Variants in SLC6A12 observed in about 807,000 individuals in gnomAD.
SLC6A12 encodes the protein sodium- and chloride-dependent betaine transporter.
Under a neutral mutation model 73.3 loss-of-function variants are expected in SLC6A12, and 50 were observed. That is an observed-to-expected ratio of 0.68 (90% CI 0.54 to 0.86). The LOEUF (loss-of-function observed/expected upper bound fraction) is 0.86, where lower values mean the gene tolerates loss of function less well. Among genes scored for constraint, SLC6A12 ranks in the 40% least tolerant of loss-of-function variants. The pLI is 0.00. For missense variants in SLC6A12, 648 were observed against 772.8 expected (o/e 0.84, Z 1.92); for synonymous variants, 304 against 309.2 (o/e 0.98, Z 0.18).
chr12:192,375 C>CA (rs1361426761), intron 15 of SLC6A12, 103 bp downstream of exon 15: 61 of 1,000,600 alleles, frequency 6.1e-5, no homozygotes, highest in Admixed American at 8.4e-5. Flanking sequence ...GCCCCACACT[C>CA]AGAGTTTGTG....
At chr12:187,637 CA>C (rs1939460626), downstream of SLC6A12, among the ~76,000 whole-genome samples, 1 of 111,152 alleles carries the variant, frequency 9.0e-6, no homozygotes, top group African/African-American at 4.5e-5. Flanking sequence ...AAAAACAAAC[CA>C]CACACACAGC....
Position 198,186 on chromosome 12 carries a change from G to A in SLC6A12, c.847-183C>T, listed in dbSNP as rs1158351420. 6.6e-6 allele frequency among the ~76,000 whole-genome samples: 1 copy of A among 152,158 alleles called. No homozygotes were observed. Among genetic ancestry groups the A allele is most frequent in the Non-Finnish European group, 1.5e-5 (1 of 68,022 alleles). ...GGTCTCCACGGTGATCTCCTCCCCA[G>A]TGCGGCCCAGTTTCGGTTTGGTTCT... On this transcript the variant is annotated intron_variant, in intron 8 of 15. Transcript: ENST00000684302. The surrounding 1 kb of genome is among the most constrained non-coding windows in gnomAD (Gnocchi z 4.0).
chr12:188,052 T>TA (rs1939467503), downstream of SLC6A12, among the ~76,000 whole-genome samples: 1 of 152,200 alleles, frequency 6.6e-6, no homozygotes, highest in South Asian at 2.1e-4. Context: ...CCAGCTGGCT[T>TA]CACCCAGTGG....
At chr12:210,415 G>A (rs1043621669) in intron 2 of SLC6A12, 1 of 1,086,092 alleles carries the variant, frequency 9.2e-7, no homozygotes. Context: ...CCTAGCCTCT[G>A]GCCTCCAGGT....
At chr12:212,862 G>GCCGC (rs1412111115) in intron 1 of SLC6A12, among the ~76,000 whole-genome samples, 2 of 152,066 alleles carry the variant, frequency 1.3e-5, no homozygotes, top group African/African-American at 4.8e-5. Flanking sequence ...CTCCTCCAAG[G>GCCGC]CCGCCCACCT....
chr12:204,238 A>T (rs1436900461), intron 4 of SLC6A12: 1 of 311,820 alleles, frequency 3.2e-6, no homozygotes, highest in African/African-American at 2.1e-5. Flanking sequence ...CTGTGAGTAG[A>T]GCCATAGGTA....
At position 198,846 on chromosome 12, in the gene SLC6A12, C is replaced by T; in HGVS notation, c.797G>A (p.Gly266Asp). Residue 266 changes from glycine to aspartate, a missense_variant, in exon 8 of 16, where the codon GGC becomes GAC. Transcript: ENST00000684302. The surrounding 1 kb of genome is among the most constrained non-coding windows in gnomAD (Gnocchi z 4.0). ...RGVTLPGAYQ[G>D]IIYYLKPDLF... ...ATCTGGCTTCAAGTAGTAGATGATG[C>T]CCTGGTAGGCTCCGGGAAGGGTGAC... 2 of 1,614,130 alleles carry T rather than the reference C, an allele frequency of 1.2e-6. No homozygotes were observed. Among genetic ancestry groups the T allele is most frequent in the Non-Finnish European group, 1.7e-6 (2 of 1,179,982 alleles).
At position 200,298 on chromosome 12, in the gene SLC6A12, CG is replaced by C. The variant is rs536348195; in HGVS notation, c.711+352del. 9.4e-4 allele frequency among the ~76,000 whole-genome samples: 142 copies of C among 151,206 alleles called. 2 individuals carry two copies. The Middle Eastern group carries it at 0.01, about 11-fold the overall frequency. On this transcript the variant is annotated intron_variant, in intron 7 of 15. Transcript: ENST00000684302. ...TAATTTTTTGTATTTTTAGTAGAGA[CG>C]GGGTTTTACCGTGTTAGCCAGGATG...
chr12:214,124 C>CGT lies in SLC6A12; in HGVS notation c.-347_-346dup, dbSNP rs1288594682. 1.3e-5 allele frequency: 2 copies of CGT among 152,736 alleles called. No individual in the cohort carries two copies. The highest frequency in any genetic ancestry group is 2.9e-5 in the Non-Finnish European group (2 of 68,484). 9.5% of individuals were successfully genotyped at this position (152,736 alleles called of 1,614,324 possible). ...CAGGGACTCCCAGACAGAAAGAAGCCGTGTGTGTATGTGTTGGGGCGGGGG... is the reference window on the plus strand; with the variant it reads ...CAGGGACTCCCAGACAGAAAGAAGCCGTGTGTGTGTATGTGTTGGGGCGGGGG... On this transcript the variant is annotated 5_prime_UTR_variant, in exon 1 of 16. Coordinates refer to ENST00000684302, the MANE Select transcript of SLC6A12 (RefSeq NM_001122848.3). This position sits in a 1 kb window ranked among gnomAD's most constrained non-coding sequence, Gnocchi z 4.2.
intron 2 of SLC6A12, among the ~76,000 whole-genome samples, chr12:211,424 C>T (rs540489717): frequency 4.6e-5 from 7 of 152,214 alleles, no homozygotes; most frequent in Non-Finnish European, 1.0e-4. Context: ...CAGAGCCTTC[C>T]ACTGTAAGCT....
At chr12:184,671 A>AC in the SLC6A12 span, among the ~76,000 whole-genome samples, 3 of 152,040 alleles carry the variant, frequency 2.0e-5, no homozygotes, top group African/African-American at 7.2e-5. Context: ...AATGGCGTGA[A>AC]CCCGGGAGGC....
downstream of SLC6A12, among the ~76,000 whole-genome samples, chr12:187,262 C>T (rs768220178): frequency 2.0e-5 from 3 of 152,098 alleles, no homozygotes; most frequent in Non-Finnish European, 4.4e-5. Flanking sequence ...TGACTTCAAG[C>T]ATGAAGCCGC....
chr12:192,367 C>T (rs1746602696), intron 15 of SLC6A12, 111 bp downstream of exon 15: 1 of 902,430 alleles, frequency 1.1e-6, no homozygotes. Context: ...GAAGGGCTGC[C>T]CCACACTCAG....
rs1032969532 is a variant in SLC6A12 at position 213,049 on chromosome 12, G to T, written c.-143+873C>A. Among the ~76,000 whole-genome samples, 1 of 152,142 alleles carries T rather than the reference G, an allele frequency of 6.6e-6. No individual in the cohort carries two copies. On this transcript the variant is annotated intron_variant, in intron 1 of 15. Transcript: ENST00000684302. This position sits in a 1 kb window ranked among gnomAD's most constrained non-coding sequence, Gnocchi z 5.3. Reference sequence around the variant, plus strand: ...TCTGTTTTCAGGAGCTGGGCATGTCGCCAGAGGCCCAGCTGGGGCTAGCAG... The same window carrying T: ...TCTGTTTTCAGGAGCTGGGCATGTCTCCAGAGGCCCAGCTGGGGCTAGCAG...
At chr12:189,829 C>G (rs973532859), downstream of SLC6A12, among the ~76,000 whole-genome samples, 4 of 117,858 alleles carry the variant, frequency 3.4e-5, no homozygotes, top group African/African-American at 1.6e-4. Context: ...GAGGGCACCC[C>G]CACACCCGCC....
intron 15 of SLC6A12, among the ~76,000 whole-genome samples, chr12:191,666 G>GTGT (rs1939607550): frequency 6.6e-6 from 1 of 152,096 alleles, no homozygotes; most frequent in East Asian, 1.9e-4. Context: ...ACGACTGTTG[G>GTGT]TGGTGGTGGT....
chr12:203,610 C>T (rs1488667883), intron 4 of SLC6A12: 2 of 152,148 alleles, frequency 1.3e-5, no homozygotes, highest in African/African-American at 2.4e-5. Context: ...CCAAAAAACA[C>T]ACAAACAAGC....
chr12:209,744 C>T (rs1940825073), intron 3 of SLC6A12, 29 bp downstream of exon 3: 4 of 1,613,614 alleles, frequency 2.5e-6, no homozygotes, highest in Non-Finnish European at 3.4e-6. Context: ...ACAGCTCTCC[C>T]CACCATGCCT....
chr12:186,580 C>T (rs1565460856), downstream of SLC6A12, among the ~76,000 whole-genome samples: 3 of 152,202 alleles, frequency 2.0e-5, no homozygotes, highest in Non-Finnish European at 4.4e-5. Context: ...TGGGAGGATA[C>T]ATTTCCACGC....
Sources: gnomAD v4.1 joint callset for allele counts (sites outside exome capture counted in the v4.1 genomes callset) on GRCh38, gnomAD v4.1.1 for gene constraint, Gnocchi (gnomAD v3.1) non-coding constraint, MANE v1.5 for transcripts, NCBI Gene and HGNC (gene_info 2026-07-23, HGNC 2026-07-21) for gene names.